Variants in POM121C observed in about 807,000 individuals in gnomAD.
POM121C encodes nuclear envelope pore membrane protein POM 121C.
Under a neutral mutation model 66.4 loss-of-function variants are expected in POM121C, and 20 were observed. The observed-to-expected ratio is 0.30, with a 90% CI of 0.21 to 0.44. The LOEUF (loss-of-function observed/expected upper bound fraction) is 0.44. Ranked by LOEUF, POM121C falls within the 20% of genes least tolerant of loss-of-function variation. POM121C has a pLI of 1.00. For missense variants in POM121C, 580 were observed against 1,225.7 expected (o/e 0.47, Z 7.87); for synonymous variants, 286 against 528.0 (o/e 0.54, Z 6.28).
chr7:75,441,177 G>A lies in POM121C; in HGVS notation c.66-62C>T, dbSNP rs1289626336. The A allele has an allele frequency of 1.9e-5, 31 of 1,596,038 alleles. 1 individual carries two copies. The highest frequency in any genetic ancestry group is 2.6e-5 in the Non-Finnish European group (31 of 1,170,592). On this transcript the variant is annotated intron_variant, in intron 4 of 14. Transcript: ENST00000615331. ...TTAATTCCCATGCCACATCAGAAAC[G>A]GAAATCAGAAGCTAACCAACAGGCC...
chr7:75,475,941 T>C (rs1287320767), intron 1 of POM121C, among the ~76,000 whole-genome samples: 1 of 151,686 alleles, frequency 6.6e-6, no homozygotes, highest in Non-Finnish European at 1.5e-5. Flanking sequence ...AAGAATATGA[T>C]GAGGTGTAAA....
chr7:75,471,793 A>G lies in POM121C; in HGVS notation c.-152+2911T>C, dbSNP rs1584711031. On this transcript the variant is annotated intron_variant, in intron 3 of 14. Transcript: ENST00000615331. Reference sequence around the variant, plus strand: ...TGTCACGTGCTTGACAAAACCCGACACACAACGCACAACGCTAAAGTTTAT... The same window carrying G: ...TGTCACGTGCTTGACAAAACCCGACGCACAACGCACAACGCTAAAGTTTAT... Among the ~76,000 whole-genome samples, 3 of 152,206 alleles carry G rather than the reference A, an allele frequency of 2.0e-5. No homozygotes were observed. In the East Asian group the frequency reaches 5.8e-4, roughly 29 times the overall value.
intron 1 of POM121C, chr7:75,484,089 A>C (rs1484331668): frequency 1.1e-6 from 1 of 948,890 alleles, no homozygotes; most frequent in African/African-American, 1.7e-5. Context: ...GCAACAGAGC[A>C]AGACTCCATC....
At chr7:75,420,609 C>T (rs1350872674) in intron 13 of POM121C, 4 of 152,150 alleles carry the variant, frequency 2.6e-5, no homozygotes, top group Non-Finnish European at 4.4e-5. Context: ...CAAAAGACCC[C>T]TTTTTTATAC....
intron 3 of POM121C, among the ~76,000 whole-genome samples, chr7:75,455,286 T>C (rs1440063817): frequency 6.6e-6 from 1 of 152,394 alleles, no homozygotes. Flanking sequence ...TTGACGCACC[T>C]TGGGAAAACT....
intron 13 of POM121C, chr7:75,420,761 C>G (rs1259060026): frequency 6.5e-6 from 1 of 152,674 alleles, no homozygotes; most frequent in Non-Finnish European, 1.5e-5. Flanking sequence ...TTTTCCTGAA[C>G]ACTTAAGACC....
intron 14 of POM121C, 63 bp from the exon 15 acceptor site, chr7:75,418,956 C>T (rs1789581311): frequency 1.3e-6 from 2 of 1,518,380 alleles, no homozygotes; most frequent in African/African-American, 2.8e-5. Context: ...CTCTGGGTGC[C>T]CAAATCTCTG....
chr7:75,424,812 TAGTC>T (rs1482919913), intron 10 of POM121C, 184 bp from the exon 11 acceptor site: 1 of 1,191,022 alleles, frequency 8.4e-7, no homozygotes, highest in East Asian at 2.5e-5. Context: ...TACAAAAAAT[TAGTC>T]AGGCGTGGTA....
At chr7:75,432,507 A>C (rs1554472487) in intron 7 of POM121C, among the ~76,000 whole-genome samples, 1 of 152,218 alleles carries the variant, frequency 6.6e-6, no homozygotes, top group African/African-American at 2.4e-5. Context: ...AACAGGGTAC[A>C]CTATAAAAGG....
intron 3 of POM121C, among the ~76,000 whole-genome samples, chr7:75,458,042 A>G (rs1791304106): frequency 6.6e-6 from 1 of 152,288 alleles, no homozygotes; most frequent in Non-Finnish European, 1.5e-5. Flanking sequence ...TCAGCCTCAA[A>G]AGTGTGTTTA....
chr7:75,436,357 A>G (rs1488270669), intron 7 of POM121C, among the ~76,000 whole-genome samples: 2 of 152,246 alleles, frequency 1.3e-5, no homozygotes, highest in Non-Finnish European at 2.9e-5. Context: ...GCAAAAAGCA[A>G]TGAAGCTATC....
chr7:75,452,859 C>G (rs1377732210), intron 3 of POM121C, among the ~76,000 whole-genome samples: 1 of 152,144 alleles, frequency 6.6e-6, no homozygotes, highest in African/African-American at 2.4e-5. Flanking sequence ...AATACAGGTA[C>G]CACCTGTAAG....
At chr7:75,428,243 G>A (rs764082886) in intron 7 of POM121C, among the ~76,000 whole-genome samples, 10 of 151,946 alleles carry the variant, frequency 6.6e-5, no homozygotes, top group South Asian at 2.1e-4. Context: ...TGGTTCAAGC[G>A]ATTCTCCTGC....
chr7:75,468,126 TAAAAAAAAAAA>T (rs368723160), intron 3 of POM121C, among the ~76,000 whole-genome samples: 3 of 64,352 alleles, frequency 4.7e-5, no homozygotes, highest in African/African-American at 1.2e-4. Context: ...AGACTCTGTC[TAAAAAAAAAAA>T]AAAAAAAAAA....
intron 1 of POM121C, among the ~76,000 whole-genome samples, chr7:75,476,541 C>G (rs1277947475): frequency 6.6e-6 from 1 of 152,014 alleles, no homozygotes; most frequent in African/African-American, 2.4e-5. Flanking sequence ...GGCAGAGCTG[C>G]TAGGCTGGTG....
chr7:75,441,973 G>C (rs1790666317), intron 3 of POM121C, among the ~76,000 whole-genome samples: 1 of 11,434 alleles, frequency 8.7e-5, no homozygotes, highest in Admixed American at 1.5e-3. Flanking sequence ...CTCACACCAA[G>C]CAAGAGTCAG....
intron 3 of POM121C, among the ~76,000 whole-genome samples, chr7:75,450,389 GA>G (rs1790981947): frequency 6.6e-6 from 1 of 152,228 alleles, no homozygotes; most frequent in Non-Finnish European, 1.5e-5. Flanking sequence ...ATTCCTCTAG[GA>G]AAGCAGGGCA....
At chr7:75,434,618 T>G (rs587666471) in intron 7 of POM121C, among the ~76,000 whole-genome samples, 68 of 147,112 alleles carry the variant, frequency 4.6e-4, no homozygotes, top group African/African-American at 1.7e-3. Context: ...AGTCTCACTA[T>G]GTTGCCCAGG....
At chr7:75,456,720 AATG>A (rs1791230132) in intron 3 of POM121C, among the ~76,000 whole-genome samples, 1 of 152,296 alleles carries the variant, frequency 6.6e-6, no homozygotes, top group African/African-American at 2.4e-5. Context: ...TTGCCGCTAA[AATG>A]AGAAGTAACA....
Sources: allele counts gnomAD v4.1 joint callset (sites outside exome capture counted in the v4.1 genomes callset), GRCh38; gene constraint gnomAD v4.1.1; transcripts MANE v1.5; gene names NCBI Gene and HGNC (gene_info 2026-07-23, HGNC 2026-07-21).